Variants in HMCN1 observed in about 807,000 individuals in gnomAD.
HMCN1 encodes the protein hemicentin 1.
A neutral mutation model predicts 625.9 loss-of-function variants in HMCN1; 321 were observed. That is an observed-to-expected ratio of 0.51 (90% CI 0.47 to 0.56). The LOEUF (loss-of-function observed/expected upper bound fraction) is 0.56. HMCN1 is among the 20% of genes least tolerant of loss of function. HMCN1 has a pLI of 0.00. For synonymous variants in HMCN1, 2,425 were observed against 2,417.6 expected (o/e 1.00, Z -0.09); for missense variants, 6,588 against 6,887.3 (o/e 0.96, Z 1.54).
In HMCN1 at chr1:185,953,172, C is replaced by A. The variant is rs546579830; in HGVS notation, c.1829-9346C>A. Among the ~76,000 whole-genome samples, 7 of 150,564 alleles carry A rather than the reference C, an allele frequency of 4.6e-5. 1 individual carries two copies. The highest frequency in any genetic ancestry group is 1.7e-4 in the African/African-American group (7 of 40,592). ...ACTGAGGGGTACTTGCCCCTCCCCCCAGAAAAGCAGAGAAGGGATAGAGAC... is the reference window on the plus strand; with the variant it reads ...ACTGAGGGGTACTTGCCCCTCCCCCAAGAAAAGCAGAGAAGGGATAGAGAC... On this transcript the variant is annotated intron_variant, in intron 11 of 106. Transcript: ENST00000271588.
intron 6 of HMCN1, among the ~76,000 whole-genome samples, chr1:185,922,022 T>G (rs1667028960): frequency 6.6e-6 from 1 of 152,168 alleles, no homozygotes; most frequent in Non-Finnish European, 1.5e-5. Context: ...GGTTTCAATA[T>G]TTGCTAAACA....
chr1:185,799,973 C>T (rs1047688988), intron 1 of HMCN1, among the ~76,000 whole-genome samples: 1 of 152,098 alleles, frequency 6.6e-6, no homozygotes, highest in African/African-American at 2.4e-5. Context: ...TATGTAGATA[C>T]CCCAGTGATG....
At chr1:186,036,441 G>A (rs994276023) in intron 36 of HMCN1, among the ~76,000 whole-genome samples, 1 of 152,050 alleles carries the variant, frequency 6.6e-6, no homozygotes, top group Non-Finnish European at 1.5e-5. Flanking sequence ...AAAACCATCA[G>A]ATCCCATGAG....
chr1:185,769,333 A>C lies in HMCN1; in HGVS notation c.268+34286A>C, dbSNP rs373190904. 5.3e-5 allele frequency among the ~76,000 whole-genome samples: 8 copies of C among 152,256 alleles called. No individual in the cohort carries two copies. The East Asian group carries it at 7.7e-4, about 15-fold the overall frequency. ...CATGATGGCATGCACCTGTTGCCCC[A>C]GCTACTCAGAAGGCTGAGATGGGAA... On this transcript the variant is annotated intron_variant, in intron 1 of 106. Coordinates refer to ENST00000271588, the MANE Select transcript of HMCN1 (RefSeq NM_031935.3).
At position 185,835,440 on chromosome 1, in the gene HMCN1, G is replaced by C. The variant is rs558950886; in HGVS notation, c.269-10586G>C. Among the ~76,000 whole-genome samples, 306 of 152,200 alleles carry C rather than the reference G, an allele frequency of 2.0e-3. 4 individuals are homozygous for C. The highest frequency in any genetic ancestry group is 7.2e-3 in the African/African-American group (298 of 41,514). ...GTGCATTGGTGACTTGTAAGGGGAG[G>C]GGGTGGGATGGCTCAAATGTGGATG... On this transcript the variant is annotated intron_variant, in intron 1 of 106. Coordinates refer to ENST00000271588, the MANE Select transcript of HMCN1 (RefSeq NM_031935.3).
chr1:185,978,812 C>G (rs1651410039), intron 16 of HMCN1, among the ~76,000 whole-genome samples: 1 of 152,098 alleles, frequency 6.6e-6, no homozygotes, highest in South Asian at 2.1e-4. Flanking sequence ...TCCTGAGTAG[C>G]TGGGATTACA....
chr1:185,840,708 T>TAAATC (rs1661425525), intron 1 of HMCN1, among the ~76,000 whole-genome samples: 7 of 152,208 alleles, frequency 4.6e-5, no homozygotes, highest in Non-Finnish European at 1.0e-4. Flanking sequence ...TCAACTGTGG[T>TAAATC]AGAGCCTCTG....
chr1:186,115,074 C>A (rs1242916481), intron 74 of HMCN1, 128 bp downstream of exon 74: 2 of 1,440,028 alleles, frequency 1.4e-6, no homozygotes, highest in Non-Finnish European at 1.9e-6. Context: ...GTATGAATAG[C>A]AAGCCCCAAG....
At chr1:186,076,243 A>T (rs567982111) in intron 53 of HMCN1, among the ~76,000 whole-genome samples, 185 bp from the exon 54 acceptor site, 10 of 152,112 alleles carry the variant, frequency 6.6e-5, no homozygotes, top group Non-Finnish European at 1.3e-4. Context: ...CCACTTGACA[A>T]CCAGCTCCGA....
intron 1 of HMCN1, among the ~76,000 whole-genome samples, chr1:185,796,626 CTGTGTGTG>C (rs150495815): frequency 2.7e-5 from 4 of 148,688 alleles, no homozygotes; most frequent in African/African-American, 4.9e-5. Flanking sequence ...GAGTTTGTGT[CTGTGTGTG>C]TGTGTGTGTG....
At chr1:185,787,689 G>A (rs6675691) in intron 1 of HMCN1, among the ~76,000 whole-genome samples, 13,838 of 152,198 alleles carry the variant, frequency 0.091, 2,033 homozygotes, top group African/African-American at 0.31. Flanking sequence ...TATTTTACCT[G>A]TGTATCTCAG....
Position 186,040,994 on chromosome 1 carries a change from G to A in HMCN1, c.6181-19G>A, listed in dbSNP as rs576397020. ...TTCTCAGAGACATATTGGTTATTTA[G>A]CGTTCTTACCATTGATAGGTTCTCT... On this transcript the variant is annotated intron_variant, in intron 39 of 106. Transcript: ENST00000271588. 8.1e-6 allele frequency: 13 copies of A among 1,611,912 alleles called. No homozygotes were observed. The African/African-American group carries it at 1.6e-4, about 20-fold the overall frequency.
At chr1:185,910,572 C>CTT (rs530690323) in intron 5 of HMCN1, among the ~76,000 whole-genome samples, 13 of 140,306 alleles carry the variant, frequency 9.3e-5, no homozygotes, top group African/African-American at 1.8e-4. Flanking sequence ...TTTCTTCCTT[C>CTT]TTTTTTTTTT....
intron 1 of HMCN1, among the ~76,000 whole-genome samples, chr1:185,843,161 G>A (rs527887147): frequency 2.0e-5 from 3 of 152,184 alleles, no homozygotes; most frequent in South Asian, 2.1e-4. Flanking sequence ...ACTGAATAAC[G>A]TAGGAATGAT....
intron 36 of HMCN1, among the ~76,000 whole-genome samples, chr1:186,029,552 A>G (rs1320912945): frequency 8.6e-6 from 1 of 115,608 alleles, no homozygotes; most frequent in Admixed American, 8.6e-5. Context: ...TTTTTTTTTT[A>G]TTTCTGTAAG....
At chr1:185,877,737 T>C (rs1299218669) in intron 4 of HMCN1, among the ~76,000 whole-genome samples, 2 of 151,116 alleles carry the variant, frequency 1.3e-5, no homozygotes, top group Non-Finnish European at 3.0e-5. Flanking sequence ...ATTTTTTTCC[T>C]TTTTTTTGAC....
At position 186,177,603 on chromosome 1, in the gene HMCN1, T is replaced by A. The variant is rs114829267; in HGVS notation, c.15944-813T>A. On this transcript the variant is annotated intron_variant, in intron 103 of 106. Coordinates refer to ENST00000271588, the MANE Select transcript of HMCN1 (RefSeq NM_031935.3). ...ATGTGGAGAATTAGGAGGGCAAAGA[T>A]GCTTGCAGAAAGACCAAGTCATTTA... is the stretch of plus-strand genomic sequence containing the variant. Among the ~76,000 whole-genome samples the A allele has an allele frequency of 9.0e-3, 1,373 of 152,286 alleles. 12 individuals are homozygous for A. Among genetic ancestry groups the A allele is most frequent in the African/African-American group, 0.027 (1,135 of 41,546 alleles).
chr1:185,793,506 T>G (rs1015284546), intron 1 of HMCN1, among the ~76,000 whole-genome samples: 1 of 152,200 alleles, frequency 6.6e-6, no homozygotes, highest in African/African-American at 2.4e-5. Context: ...AATTTAATCA[T>G]ATTGGCAAAG....
rs761229907 is a variant in HMCN1 at position 186,095,366 on chromosome 1, G to A, written c.10418G>A (p.Gly3473Asp). Reference sequence around the variant, plus strand: ...CCCAGTATGGCCTGGCTTAGAGATGGCCAGCCTCTGGGGCTTGATGCCCAT... The same window carrying A: ...CCCAGTATGGCCTGGCTTAGAGATGACCAGCCTCTGGGGCTTGATGCCCAT... Reference protein sequence around the residue: ...PAPSMAWLRDGQPLGLDAHLT... With the variant: ...PAPSMAWLRDDQPLGLDAHLT... Residue 3473 changes from glycine to aspartate, a missense_variant, in exon 68 of 107, where the codon GGC becomes GAC. Gly to Asp is a moderately conservative substitution (Grantham distance 94). Coordinates refer to ENST00000271588, the MANE Select transcript of HMCN1 (RefSeq NM_031935.3). 6.2e-7 allele frequency: 1 copy of A among 1,613,622 alleles called. No individual in the cohort carries two copies. The highest frequency in any genetic ancestry group is 8.5e-7 in the Non-Finnish European group (1 of 1,179,840).
Sources: allele counts gnomAD v4.1 joint callset (sites outside exome capture counted in the v4.1 genomes callset), GRCh38; gene constraint gnomAD v4.1.1; transcripts MANE v1.5; gene names NCBI Gene and HGNC (gene_info 2026-07-23, HGNC 2026-07-21).